The following GALNT14 variants were observed in gnomAD, a reference collection of about 807,000 sequenced individuals.
GALNT14 encodes the protein polypeptide N-acetylgalactosaminyltransferase 14, also known as UDP-GalNAc:polypeptide N-acetylgalactosaminyltransferase 14.
A neutral mutation model predicts 77.5 loss-of-function variants in GALNT14; 60 were observed. The observed-to-expected ratio is 0.77, with a 90% confidence interval of 0.63 to 0.96. The LOEUF (loss-of-function observed/expected upper bound fraction) is 0.96, where lower values mean the gene tolerates loss of function less well. Ranked by LOEUF, GALNT14 falls within the 40% of genes least tolerant of loss-of-function variation. The probability of loss-of-function intolerance (pLI) is 0.00; values close to 1 mark genes in which losing one functional copy is unlikely to be tolerated. For missense variants in GALNT14, 710 were observed against 731.0 expected, an observed-to-expected ratio of 0.97 and a Z score of 0.33; for synonymous variants, 280 against 281.7, an observed-to-expected ratio of 0.99 and a Z score of 0.06.
chr2:30,964,278 C>T (rs1169616799), intron 3 of GALNT14, among the ~76,000 whole-genome samples: 1 of 152,190 alleles, frequency 6.6e-6, no homozygotes, highest in Non-Finnish European at 1.5e-5. Context: ...TTGGTCTGCT[C>T]CATGAACCCC....
intron 1 of GALNT14, among the ~76,000 whole-genome samples, chr2:31,045,619 C>T (rs777611044): frequency 2.6e-5 from 4 of 152,072 alleles, no homozygotes; most frequent in Admixed American, 6.5e-5. Flanking sequence ...CCCACAACCA[C>T]GCCTGGCTAA....
At chr2:31,036,477 AAC>A (rs147663355) in intron 1 of GALNT14, among the ~76,000 whole-genome samples, 146 of 152,336 alleles carry the variant, frequency 9.6e-4, no homozygotes, top group Middle Eastern at 3.4e-3. Context: ...TAAGCCTATC[AAC>A]ACAGTTTTAT....
chr2:31,124,611 G>GT (rs1200686755), intron 1 of GALNT14, among the ~76,000 whole-genome samples: 3 of 152,088 alleles, frequency 2.0e-5, no homozygotes, highest in Non-Finnish European at 2.9e-5. Context: ...TTCAGGCACT[G>GT]TTTTTTTGTT....
At chr2:31,021,610 G>A (rs1399803790) in intron 1 of GALNT14, among the ~76,000 whole-genome samples, 1 of 152,186 alleles carries the variant, frequency 6.6e-6, no homozygotes, top group Non-Finnish European at 1.5e-5. Flanking sequence ...CCAGCCAGCT[G>A]CTTTTATAAA....
At chr2:31,063,638 A>G (rs539664108) in intron 1 of GALNT14, among the ~76,000 whole-genome samples, 1 of 152,300 alleles carries the variant, frequency 6.6e-6, no homozygotes, top group East Asian at 1.9e-4. Context: ...TGAATCTATT[A>G]ATTACTTTGG....
intron 1 of GALNT14, among the ~76,000 whole-genome samples, chr2:31,095,587 T>C (rs768308470): frequency 2.0e-5 from 3 of 152,164 alleles, no homozygotes; most frequent in Non-Finnish European, 4.4e-5. Flanking sequence ...TTTGAAGCTT[T>C]TGACCCTCCA....
intron 1 of GALNT14, among the ~76,000 whole-genome samples, chr2:31,068,655 A>C (rs1675149137): frequency 6.6e-6 from 1 of 152,234 alleles, no homozygotes; most frequent in Non-Finnish European, 1.5e-5. Context: ...TGAACAGAGC[A>C]GCTCACCACT....
chr2:30,911,091 AG>A, intron 14 of GALNT14, 32 bp from the exon 15 acceptor site: 1 of 1,603,182 alleles, frequency 6.2e-7, no homozygotes, highest in Non-Finnish European at 8.5e-7. Flanking sequence ...TGAATGAACT[AG>A]GTGCCATCAG....
Position 31,028,222 on chromosome 2 carries a change from A to C in GALNT14, c.130-35215T>G, listed in dbSNP as rs116625062. ...GTTGCTTGGCTGTTGTCCAGGTGTG[A>C]GAATGCCTGGCCTCTCTGAGGGGCT... On this transcript the variant is annotated intron_variant, in intron 1 of 14. Coordinates refer to ENST00000349752, the MANE Select transcript of GALNT14 (RefSeq NM_024572.4). Among the ~76,000 whole-genome samples the C allele has an allele frequency of 4.7e-3, 711 of 152,250 alleles. 2 individuals carry two copies. The highest frequency in any genetic ancestry group is 0.017 in the African/African-American group (689 of 41,552).
In GALNT14 at chr2:30,910,922, G is replaced by C; in HGVS notation, c.1638C>G (p.His546Gln). 1 of 1,613,948 alleles carries C rather than the reference G, an allele frequency of 6.2e-7. No homozygotes were observed. The highest frequency in any genetic ancestry group is 8.5e-7 in the Non-Finnish European group (1 of 1,179,992). The change falls in exon 15 of 15, where the codon CAC (histidine) becomes CAG (glutamine). Residue 546 changes from histidine (H) to glutamine (Q), a missense_variant. His to Gln is a conservative substitution (Grantham distance 24). Coordinates refer to ENST00000349752, the MANE Select transcript of GALNT14 (RefSeq NM_024572.4). ...GTCCTCAAGAGCTCACCATGTCCCAGTGCTGGCTCATGAGTGAGGACTCAC... is the reference window on the plus strand; with the variant it reads ...GTCCTCAAGAGCTCACCATGTCCCACTGCTGGCTCATGAGTGAGGACTCAC... ...NPCESSLMSQ[H>Q]WDMVSS
intron 1 of GALNT14, among the ~76,000 whole-genome samples, chr2:31,078,103 TGAGAA>T (rs1230896683): frequency 6.6e-6 from 1 of 152,182 alleles, no homozygotes; most frequent in Admixed American, 6.5e-5. Flanking sequence ...AAGGTGATCT[TGAGAA>T]GAGACTGGCT....
intron 1 of GALNT14, among the ~76,000 whole-genome samples, chr2:31,027,300 C>T (rs1189659043): frequency 1.3e-5 from 2 of 152,080 alleles, no homozygotes; most frequent in African/African-American, 4.8e-5. Flanking sequence ...GGCATGGTGG[C>T]ACATGCCTTG....
chr2:30,952,922 C>T (rs563897698), intron 6 of GALNT14, among the ~76,000 whole-genome samples: 5 of 152,260 alleles, frequency 3.3e-5, no homozygotes, highest in African/African-American at 1.2e-4. Context: ...ACTGCAGTCC[C>T]TGAGTTTGAA....
chr2:30,962,510 C>A (rs117694497), intron 3 of GALNT14, among the ~76,000 whole-genome samples: 1 of 152,246 alleles, frequency 6.6e-6, no homozygotes, highest in Non-Finnish European at 1.5e-5. Flanking sequence ...AAGGTGACAG[C>A]GCTGGGTCTC....
At position 30,918,964 on chromosome 2, in the gene GALNT14, G is replaced by T. The variant is rs552402956; in HGVS notation, c.1380+5155C>A. ...GGCTCACACACCTCGAGGCACCAGT[G>T]CCAGTCCAGATTAGGGGGAGACTTT... On this transcript the variant is annotated intron_variant, in intron 13 of 14. Coordinates refer to ENST00000349752, the MANE Select transcript of GALNT14 (RefSeq NM_024572.4). Among the ~76,000 whole-genome samples, 4 of 152,262 alleles carry T rather than the reference G, an allele frequency of 2.6e-5. No homozygotes were observed. The East Asian group carries it at 7.7e-4, about 29-fold the overall frequency.
In GALNT14 at chr2:30,992,813, A is replaced by C. The variant is rs111818266; in HGVS notation, c.299+25T>G. 3.7e-6 allele frequency: 6 copies of C among 1,609,090 alleles called. 1 individual carries two copies. In the South Asian group the frequency reaches 4.4e-5, roughly 12 times the overall value. Reference sequence around the variant, plus strand: ...TTGATCTCTTTTGACTGCGGGGGTAACAGAGTGGGAGAAGGAGGAAGTACC... The same window carrying C: ...TTGATCTCTTTTGACTGCGGGGGTACCAGAGTGGGAGAAGGAGGAAGTACC... On this transcript the variant is annotated intron_variant, in intron 2 of 14. Coordinates refer to ENST00000349752, the MANE Select transcript of GALNT14 (RefSeq NM_024572.4).
chr2:31,033,209 A>G (rs913117605), intron 1 of GALNT14, among the ~76,000 whole-genome samples: 2 of 152,062 alleles, frequency 1.3e-5, no homozygotes, highest in African/African-American at 2.4e-5. Context: ...TCCTGCTTCT[A>G]TGGACAAGGG....
chr2:31,078,450 G>A (rs1675947573), intron 1 of GALNT14, among the ~76,000 whole-genome samples: 1 of 152,132 alleles, frequency 6.6e-6, no homozygotes. Context: ...TGTTTTAAAG[G>A]CTACCAGAAA....
intron 9 of GALNT14, among the ~76,000 whole-genome samples, chr2:30,939,619 G>T (rs1487858008): frequency 1.3e-5 from 2 of 152,146 alleles, no homozygotes; most frequent in African/African-American, 4.8e-5. Flanking sequence ...TTTGGCAGGG[G>T]TGTGAGAGCT....
Sources: gnomAD v4.1 joint callset for allele counts (sites outside exome capture counted in the v4.1 genomes callset) on GRCh38, gnomAD v4.1.1 for gene constraint, MANE v1.5 for transcripts, NCBI Gene and HGNC (gene_info 2026-07-23, HGNC 2026-07-21) for gene names.